The following TEAD2 variants were observed in gnomAD, a reference collection of about 807,000 sequenced individuals.
The protein encoded by TEAD2 is TEA domain transcription factor 2, also known as transcriptional enhancer factor TEF-4.
TEAD2 carries 51 observed loss-of-function variants against 61.4 expected under a neutral mutation model. That is an observed-to-expected ratio of 0.83 (90% CI 0.66 to 1.05). The LOEUF (loss-of-function observed/expected upper bound fraction) is 1.05, where lower values mean the gene tolerates loss of function less well. TEAD2 is among the 50% of genes least tolerant of loss of function. The pLI, the probability that TEAD2 is intolerant of heterozygous loss-of-function variation, is 0.00. For synonymous variants in TEAD2, 244 were observed against 243.2 expected (o/e 1.00, Z -0.03); for missense variants, 509 against 600.0 (o/e 0.85, Z 1.58).
rs1555784787 is a variant in TEAD2, at chr19:49,355,021, G to GCATGCATACATACATA, written c.539+126_539+127insTATGTATGTATGCATG. The GCATGCATACATACATA allele has an allele frequency of 4.2e-3, 2,662 of 630,594 alleles. 4 individuals carry two copies. Among genetic ancestry groups the GCATGCATACATACATA allele is most frequent in the Non-Finnish European group, 5.9e-3 (2,040 of 348,022 alleles). The allele number at this position is 630,594 out of a possible 1,614,324, so 39.1% of individuals were successfully genotyped here. ...CATGTCAATAAATACATACATACAT[G>GCATGCATACATACATA]CATACATACATACATACATACATAC... On this transcript the variant is annotated intron_variant, in intron 7 of 12. Coordinates refer to ENST00000593945, the MANE Select transcript of TEAD2 (RefSeq NM_001256660.2).
Position 49,341,796 on chromosome 19 carries a change from T to A in TEAD2, c.1243-359A>T, listed in dbSNP as rs1005823767. 6.6e-6 allele frequency among the ~76,000 whole-genome samples: 1 copy of A among 151,866 alleles called. No individual in the cohort carries two copies. Among genetic ancestry groups the A allele is most frequent in the African/African-American group, 2.4e-5 (1 of 41,348 alleles). On this transcript the variant is annotated intron_variant, in intron 12 of 12. Coordinates refer to ENST00000593945, the MANE Select transcript of TEAD2 (RefSeq NM_001256660.2). The surrounding 1 kb of genome is among the most constrained non-coding windows in gnomAD (Gnocchi z 4.2). ...GTCTCTGCCTCAGCAGTCCAAAAAG[T>A]TAAAGGGGCTCCCACCATATCATGT...
At chr19:49,342,678 G>C (rs1971379070) in intron 11 of TEAD2, 88 bp from the exon 12 acceptor site, 1 of 1,518,296 alleles carries the variant, frequency 6.6e-7, no homozygotes, top group South Asian at 1.2e-5. Flanking sequence ...GTGCCTCTAA[G>C]ATGCCACCAC....
Position 49,340,616 on chromosome 19 carries a change from CCT to C in TEAD2, c.*706_*707del. On this transcript the variant is annotated 3_prime_UTR_variant, in exon 13 of 13. Transcript: ENST00000593945. Reference sequence around the variant, plus strand: ...TGCGTTTTTGGTAAAATAGCTTTATCCTCTGTCAGAACACAAACAAACAAACT... The same window carrying C: ...TGCGTTTTTGGTAAAATAGCTTTATCCTGTCAGAACACAAACAAACAAACT... 1.8e-6 allele frequency: 1 copy of C among 560,206 alleles called. No homozygotes were observed. Among genetic ancestry groups the C allele is most frequent in the Non-Finnish European group, 3.2e-6 (1 of 311,548 alleles). 34.7% of individuals were successfully genotyped at this position (560,206 alleles called of 1,614,324 possible). A position where few individuals can be genotyped will look rare whatever the true frequency, so the allele number is the denominator to read the frequency against.
intron 1 of TEAD2, chr19:49,360,283 G>A (rs572190961): frequency 1.7e-6 from 1 of 595,586 alleles, no homozygotes; most frequent in South Asian, 2.1e-5. Context: ...CTGAGTCTGA[G>A]GGAGGAGGGG....
At chr19:49,348,654 C>T in intron 9 of TEAD2, 49 bp downstream of exon 9, 1 of 1,483,958 alleles carries the variant, frequency 6.7e-7, no homozygotes, top group South Asian at 1.1e-5. Flanking sequence ...CTTCCTGTCA[C>T]CCTCTATATT....
rs74784758 is a variant in TEAD2, at chr19:49,351,444, A to G, written c.540-79T>C. 5.3e-3 allele frequency: 7,124 copies of G among 1,340,616 alleles called. 155 individuals are homozygous for G. The African/African-American group carries it at 0.059, about 11-fold the overall frequency. The allele number at this position is 1,340,616 out of a possible 1,614,324, so 83.0% of individuals were successfully genotyped here. A position where few individuals can be genotyped will look rare whatever the true frequency, so the allele number is the denominator to read the frequency against. On this transcript the variant is annotated intron_variant, in intron 7 of 12. Coordinates refer to ENST00000593945, the MANE Select transcript of TEAD2 (RefSeq NM_001256660.2). ...CAGCAAATGTTTACTGAGAGGCCAC[A>G]ACAAGCAAGACCCTGTGCATTTTGT...
intron 3 of TEAD2, 107 bp from the exon 4 acceptor site, chr19:49,357,421 G>A: frequency 8.5e-7 from 1 of 1,177,978 alleles, no homozygotes; most frequent in Non-Finnish European, 1.2e-6. Context: ...ACCATGAAAG[G>A]TGAAAAACAC....
chr19:49,355,026 C>CAT (rs1972287263), intron 7 of TEAD2, 122 bp downstream of exon 7: 1 of 670,270 alleles, frequency 1.5e-6, no homozygotes, highest in Non-Finnish European at 2.7e-6. Context: ...TACATGCATA[C>CAT]ATACATACAT....
At chr19:49,343,974 T>G (rs1332934721) in intron 10 of TEAD2, among the ~76,000 whole-genome samples, 1 of 151,654 alleles carries the variant, frequency 6.6e-6, no homozygotes, top group East Asian at 1.9e-4. Flanking sequence ...GCCTCCTGAG[T>G]AGCTAGGACC....
At chr19:49,350,522 G>T (rs751527694) in intron 8 of TEAD2, among the ~76,000 whole-genome samples, 14 of 151,718 alleles carry the variant, frequency 9.2e-5, no homozygotes, top group Non-Finnish European at 1.8e-4. Flanking sequence ...AGGTTGGGGG[G>T]GGTGGTTTCG....
intron 4 of TEAD2, among the ~76,000 whole-genome samples, chr19:49,356,857 G>A (rs1972435565): frequency 6.6e-6 from 1 of 152,016 alleles, no homozygotes; most frequent in Non-Finnish European, 1.5e-5. Flanking sequence ...CCCTTTGTGG[G>A]CCACTGACTC....
intron 9 of TEAD2, 70 bp from the exon 10 acceptor site, chr19:49,347,433 A>G: frequency 6.4e-7 from 1 of 1,550,644 alleles, no homozygotes; most frequent in Non-Finnish European, 8.8e-7. Context: ...GCCTGAGCCC[A>G]CCAAATGCCG....
chr19:49,355,290 C>A (rs776863590), intron 6 of TEAD2, 22 bp downstream of exon 6: 1 of 1,614,040 alleles, frequency 6.2e-7, no homozygotes, highest in Admixed American at 1.7e-5. Context: ...CCCCACGTCC[C>A]ACAATCCCCA....
At chr19:49,349,191 C>T (rs778776811) in intron 8 of TEAD2, 3 of 182,068 alleles carry the variant, frequency 1.6e-5, no homozygotes, top group East Asian at 1.6e-4. Flanking sequence ...CAGCTGGGCA[C>T]GGTGGCTCAC....
At position 49,347,170 on chromosome 19, in the gene TEAD2, A is replaced by C. The variant is rs891966906; in HGVS notation, c.921+20T>G. 12 of 1,610,744 alleles carry C rather than the reference A, an allele frequency of 7.4e-6. No homozygotes were observed. The highest frequency in any genetic ancestry group is 5.4e-5 in the African/African-American group (4 of 74,758). ...ACCACAGGATTTGTGAGCACTTTTG[A>C]TTTTGCTGTGAGAACTCACCCAGAA... On this transcript the variant is annotated intron_variant, in intron 10 of 12. Coordinates refer to ENST00000593945, the MANE Select transcript of TEAD2 (RefSeq NM_001256660.2).
chr19:49,361,143 G>C (rs1257643177), intron 1 of TEAD2, among the ~76,000 whole-genome samples: 5 of 96,094 alleles, frequency 5.2e-5, no homozygotes, highest in African/African-American at 2.3e-4. Flanking sequence ...CCAGAAAGAG[G>C]GGGACAGAGA....
rs552113340 is a variant in TEAD2, at chr19:49,341,273, C to G, written c.*51G>C. The G allele has an allele frequency of 2.0e-6, 3 of 1,497,290 alleles. No individual in the cohort carries two copies. In the East Asian group the frequency reaches 6.8e-5, roughly 34 times the overall value. 92.8% of individuals were successfully genotyped at this position (1,497,290 alleles called of 1,614,324 possible). ...GAAGCATGAGGTGAGCTGGAGGACC[C>G]TCCCTGGGAGGAGGGTGTTCTGGGG... On this transcript the variant is annotated 3_prime_UTR_variant, in exon 13 of 13. Coordinates refer to ENST00000593945, the MANE Select transcript of TEAD2 (RefSeq NM_001256660.2). The surrounding 1 kb of genome is among the most constrained non-coding windows in gnomAD (Gnocchi z 4.2).
chr19:49,348,833 G>T lies in TEAD2; in HGVS notation c.617C>A (p.Pro206His), dbSNP rs752787994. 1.6e-5 allele frequency: 25 copies of T among 1,573,182 alleles called. No homozygotes were observed. In the African/African-American group the frequency reaches 1.7e-4, roughly 10 times the overall value. Residue 206 changes from proline to histidine, a missense_variant, in exon 9 of 13, where the codon CCC becomes CAC. Transcript: ENST00000593945. ...TGGGGGCAGGGGTGAGAGGGCTTGGGGGGGCTCGTACCCTAGAGAGAGAGA... is the reference window on the plus strand; with the variant it reads ...TGGGGGCAGGGGTGAGAGGGCTTGGTGGGGCTCGTACCCTAGAGAGAGAGA... ...PSTDLPGYEPPQALSPLPPPT... is the reference protein window; with the variant it reads ...PSTDLPGYEPHQALSPLPPPT...
chr19:49,347,142 GA>G, intron 10 of TEAD2, 47 bp downstream of exon 10: 1 of 1,601,068 alleles, frequency 6.2e-7, no homozygotes. Context: ...CCTTTGCTGG[GA>G]CACCACAGGA....
Sources: gnomAD v4.1 joint callset for allele counts (sites outside exome capture counted in the v4.1 genomes callset) on GRCh38, gnomAD v4.1.1 for gene constraint, Gnocchi (gnomAD v3.1) non-coding constraint, MANE v1.5 for transcripts, NCBI Gene and HGNC (gene_info 2026-07-23, HGNC 2026-07-21) for gene names.